The following FHIT variants were observed in gnomAD, a reference collection of about 807,000 sequenced individuals.
FHIT encodes bis(5'-adenosyl)-triphosphatase.
A neutral mutation model predicts 17.9 loss-of-function variants in FHIT; 19 were observed. The ratio of observed to expected loss-of-function variants is 1.06; its 90% CI spans 0.74 to 1.56. FHIT has a LOEUF of 1.56. Among genes scored for constraint, FHIT ranks in the 40% most tolerant of loss-of-function variants. The pLI is 0.00. For synonymous variants in FHIT, 81 were observed against 69.7 expected, an observed-to-expected ratio of 1.16 and a Z score of -0.81; for missense variants, 248 against 189.2, an observed-to-expected ratio of 1.31 and a Z score of -1.82.
chr3:59,839,884 T>C (rs1452007961), intron 8 of FHIT, among the ~76,000 whole-genome samples: 1 of 152,212 alleles, frequency 6.6e-6, no homozygotes, highest in Non-Finnish European at 1.5e-5. Context: ...AGGCCTGGTA[T>C]TAAAGGCTTG....
intron 2 of FHIT, among the ~76,000 whole-genome samples, chr3:61,111,974 G>A (rs2036171570): frequency 6.6e-6 from 1 of 152,138 alleles, no homozygotes; most frequent in Admixed American, 6.5e-5. Flanking sequence ...TGCTTTGCAG[G>A]CATGGGCACA....
At chr3:60,878,597 C>T (rs1553757086) in intron 3 of FHIT, among the ~76,000 whole-genome samples, 5 of 151,980 alleles carry the variant, frequency 3.3e-5, no homozygotes, top group South Asian at 2.1e-4. Flanking sequence ...CCCATTAACT[C>T]GTCATTTACA....
intron 4 of FHIT, among the ~76,000 whole-genome samples, chr3:60,558,052 A>G (rs1259884885): frequency 6.6e-6 from 1 of 152,054 alleles, no homozygotes; most frequent in Non-Finnish European, 1.5e-5. Flanking sequence ...CTTGTTTAGA[A>G]GACCCCTACG....
intron 4 of FHIT, among the ~76,000 whole-genome samples, chr3:60,806,500 T>A (rs1200181892): frequency 6.6e-6 from 1 of 152,250 alleles, no homozygotes; most frequent in Non-Finnish European, 1.5e-5. Context: ...CAGCATACAC[T>A]ATTTGTACTG....
chr3:60,053,390 G>C (rs967405163), intron 5 of FHIT, among the ~76,000 whole-genome samples: 3 of 147,886 alleles, frequency 2.0e-5, no homozygotes, highest in African/African-American at 7.5e-5. Flanking sequence ...CAAAATGTCT[G>C]TCACATACGA....
At chr3:60,303,123 A>G (rs1250042467) in intron 5 of FHIT, among the ~76,000 whole-genome samples, 1 of 152,140 alleles carries the variant, frequency 6.6e-6, no homozygotes, top group Admixed American at 6.5e-5. Flanking sequence ...CCTGGAAACC[A>G]CTTTCTCCCA....
intron 5 of FHIT, among the ~76,000 whole-genome samples, chr3:60,176,758 G>A (rs1036594604): frequency 3.3e-5 from 5 of 152,188 alleles, no homozygotes; most frequent in Admixed American, 6.5e-5. Flanking sequence ...GATTTAGCAC[G>A]AGGAGGAAGC....
intron 5 of FHIT, among the ~76,000 whole-genome samples, chr3:60,447,567 A>C (rs1253890142): frequency 6.6e-6 from 1 of 152,110 alleles, no homozygotes; most frequent in Non-Finnish European, 1.5e-5. Context: ...AATAACCATA[A>C]ATCAGTGTTA....
chr3:59,776,487 T>G (rs1702325077), intron 8 of FHIT, among the ~76,000 whole-genome samples: 2 of 152,244 alleles, frequency 1.3e-5, no homozygotes, highest in African/African-American at 4.8e-5. Flanking sequence ...AGTAAGGGCC[T>G]GACTGGCTCC....
At chr3:60,619,426 G>T (rs2039050357) in intron 4 of FHIT, among the ~76,000 whole-genome samples, 1 of 152,036 alleles carries the variant, frequency 6.6e-6, no homozygotes, top group African/African-American at 2.4e-5. Flanking sequence ...AATATTAAAT[G>T]AGAAGAACAA....
intron 5 of FHIT, among the ~76,000 whole-genome samples, chr3:60,090,979 T>C (rs532625504): frequency 3.3e-5 from 5 of 152,358 alleles, no homozygotes; most frequent in Admixed American, 1.3e-4. Context: ...TACTCATCCA[T>C]AATGACCGAT....
At chr3:60,095,216 G>A (rs1371533873) in intron 5 of FHIT, among the ~76,000 whole-genome samples, 1 of 152,144 alleles carries the variant, frequency 6.6e-6, no homozygotes, top group African/African-American at 2.4e-5. Flanking sequence ...TACCTCGGAG[G>A]CAAAACTTCT....
intron 3 of FHIT, among the ~76,000 whole-genome samples, chr3:60,990,103 C>T (rs1212667346): frequency 3.3e-5 from 5 of 152,146 alleles, no homozygotes; most frequent in Admixed American, 6.5e-5. Flanking sequence ...CCCTTATGTA[C>T]GCCCAAGGGT....
intron 5 of FHIT, among the ~76,000 whole-genome samples, chr3:60,349,994 A>G (rs888637626): frequency 1.3e-5 from 2 of 152,198 alleles, no homozygotes; most frequent in African/African-American, 4.8e-5. Flanking sequence ...AGTGGAGATC[A>G]TTAGTTTGAT....
intron 5 of FHIT, among the ~76,000 whole-genome samples, chr3:60,176,219 G>C (rs376690038): frequency 4.3e-4 from 65 of 152,190 alleles, no homozygotes; most frequent in Non-Finnish European, 6.9e-4. Context: ...GGGCATGTTG[G>C]TATGTGCCTG....
intron 2 of FHIT, among the ~76,000 whole-genome samples, chr3:61,087,605 A>G (rs1477613454): frequency 2.0e-5 from 3 of 152,190 alleles, no homozygotes; most frequent in Middle Eastern, 3.2e-3. Context: ...ATGACTGACA[A>G]TGATGCTCAT....
intron 4 of FHIT, among the ~76,000 whole-genome samples, chr3:60,671,556 G>A (rs868940143): frequency 1.2e-4 from 18 of 152,040 alleles, no homozygotes; most frequent in South Asian, 2.1e-4. Flanking sequence ...TTTCATATAC[G>A]TTTAATTTTT....
intron 5 of FHIT, among the ~76,000 whole-genome samples, chr3:60,218,728 G>C (rs1467385666): frequency 6.6e-6 from 1 of 152,010 alleles, no homozygotes; most frequent in Non-Finnish European, 1.5e-5. Context: ...TTTTCTAAGA[G>C]CTTAGAAATC....
rs115574385 is a variant in FHIT at position 59,876,154 on chromosome 3, G to C, written c.348+46192C>G. On this transcript the variant is annotated intron_variant, in intron 8 of 9. Transcript: ENST00000492590. ...CCACTGAACTGTACTCTTGAAAATG[G>C]TTAAAATAGTAAATTTTATGTTATG... 3.0e-3 allele frequency among the ~76,000 whole-genome samples: 455 copies of C among 151,846 alleles called. 1 individual carries two copies. Among genetic ancestry groups the C allele is most frequent in the African/African-American group, 0.01 (435 of 41,452 alleles).
Sources: allele counts gnomAD v4.1 joint callset (sites outside exome capture counted in the v4.1 genomes callset), GRCh38; gene constraint gnomAD v4.1.1; transcripts MANE v1.5; gene names NCBI Gene and HGNC (gene_info 2026-07-23, HGNC 2026-07-21).